Variants in MAPK4 observed in about 807,000 individuals in gnomAD.
MAPK4 encodes the protein mitogen-activated protein kinase 4, also known as Erk3-related.
Under a neutral mutation model 47.7 loss-of-function variants are expected in MAPK4, and 22 were observed. That is an observed-to-expected ratio of 0.46 (90% CI 0.33 to 0.66). MAPK4 has a LOEUF of 0.66. Ranked by LOEUF, MAPK4 falls within the 30% of genes least tolerant of loss-of-function variation. MAPK4 has a pLI of 0.02. For missense variants in MAPK4, 736 were observed against 831.7 expected (o/e 0.88, Z 1.42); for synonymous variants, 390 against 365.7 (o/e 1.07, Z -0.76).
At chr18:50,575,279 C>T (rs545245197) in intron 1 of MAPK4, among the ~76,000 whole-genome samples, 4 of 152,276 alleles carry the variant, frequency 2.6e-5, no homozygotes, top group African/African-American at 4.8e-5. Flanking sequence ...AGACACTGAA[C>T]CTGCCAGTTC....
At chr18:50,683,321 C>A (rs989736260) in intron 2 of MAPK4, among the ~76,000 whole-genome samples, 9 of 151,952 alleles carry the variant, frequency 5.9e-5, no homozygotes, top group African/African-American at 2.2e-4. Flanking sequence ...GGGAGTCTCA[C>A]CATGTTGGCC....
chr18:50,627,541 C>A (rs2042789514), intron 1 of MAPK4, among the ~76,000 whole-genome samples: 1 of 152,222 alleles, frequency 6.6e-6, no homozygotes, highest in African/African-American at 2.4e-5. Flanking sequence ...CAGAGCTGAA[C>A]ACCCTGCCAC....
chr18:50,576,788 G>A (rs951052506), intron 1 of MAPK4, among the ~76,000 whole-genome samples: 4 of 151,978 alleles, frequency 2.6e-5, no homozygotes, highest in African/African-American at 9.7e-5. Flanking sequence ...GTATAATGCA[G>A]TTTGTATGAA....
Position 50,731,043 on chromosome 18 carries a change from C to T in MAPK4, c.*1189C>T, listed in dbSNP as rs71357248. 24,770 of 152,164 alleles carry T rather than the reference C, an allele frequency of 0.16. 2,205 individuals carry two copies. The highest frequency in any genetic ancestry group is 0.21 in the South Asian group (1,018 of 4,816). 9.4% of individuals were successfully genotyped at this position (152,164 alleles called of 1,614,324 possible). ...TACAGAGATGTGTTGGAGAGCACGT[C>T]GTGACCTTGGGGGCAAGGAATCCAG... On this transcript the variant is annotated 3_prime_UTR_variant, in exon 6 of 6. Transcript: ENST00000400384.
intron 2 of MAPK4, among the ~76,000 whole-genome samples, chr18:50,685,379 C>T (rs1908815624): frequency 6.6e-6 from 1 of 152,224 alleles, no homozygotes; most frequent in Non-Finnish European, 1.5e-5. Context: ...AGAATATGGC[C>T]AGCATCCCAC....
At chr18:50,586,697 A>C (rs1361395758) in intron 1 of MAPK4, among the ~76,000 whole-genome samples, 3 of 152,204 alleles carry the variant, frequency 2.0e-5, no homozygotes, top group East Asian at 3.9e-4. Context: ...CTTTTTATGG[A>C]TATATTTGTT....
intron 1 of MAPK4, among the ~76,000 whole-genome samples, chr18:50,644,338 C>G (rs1055821991): frequency 6.6e-6 from 1 of 152,056 alleles, no homozygotes; most frequent in Non-Finnish European, 1.5e-5. Flanking sequence ...CAGATTGGAA[C>G]CACTGAGTGG....
At chr18:50,635,478 A>C (rs948945012) in intron 1 of MAPK4, among the ~76,000 whole-genome samples, 1 of 152,130 alleles carries the variant, frequency 6.6e-6, no homozygotes, top group African/African-American at 2.4e-5. Flanking sequence ...AATCCCCTCA[A>C]CTACCTTAAA....
At chr18:50,662,831 G>C (rs778365893) in intron 1 of MAPK4, among the ~76,000 whole-genome samples, 4 of 152,218 alleles carry the variant, frequency 2.6e-5, no homozygotes, top group Admixed American at 6.5e-5. Context: ...TGTTAAACTT[G>C]GGGGAGCAGG....
chr18:50,624,212 G>A (rs985894582), intron 1 of MAPK4, among the ~76,000 whole-genome samples: 4 of 152,212 alleles, frequency 2.6e-5, no homozygotes, highest in African/African-American at 9.6e-5. Context: ...AGAGCAGGAT[G>A]TAATCAGCAT....
intron 2 of MAPK4, among the ~76,000 whole-genome samples, chr18:50,702,606 T>A (rs1471159983): frequency 6.6e-6 from 1 of 152,212 alleles, no homozygotes; most frequent in Non-Finnish European, 1.5e-5. Context: ...CATTTTCATA[T>A]CTAATTTTGT....
At chr18:50,579,848 T>C (rs903151336) in intron 1 of MAPK4, among the ~76,000 whole-genome samples, 1 of 152,170 alleles carries the variant, frequency 6.6e-6, no homozygotes, top group Non-Finnish European at 1.5e-5. Context: ...AGTGGGCTAA[T>C]TGTTGGCTAG....
chr18:50,728,564 G>A (rs528743547), intron 5 of MAPK4, among the ~76,000 whole-genome samples: 1 of 152,194 alleles, frequency 6.6e-6, no homozygotes, highest in Non-Finnish European at 1.5e-5. Flanking sequence ...CAGAATTGGT[G>A]GGGGGAAGCA....
chr18:50,729,034 C>T (rs1461246717), intron 5 of MAPK4, 124 bp from the exon 6 acceptor site: 2 of 812,984 alleles, frequency 2.5e-6, no homozygotes, highest in South Asian at 1.8e-5. Context: ...ATCACCCTCC[C>T]ACCTTGAGGG....
At chr18:50,724,624 G>A (rs1166751700) in intron 4 of MAPK4, among the ~76,000 whole-genome samples, 1 of 152,230 alleles carries the variant, frequency 6.6e-6, no homozygotes, top group Non-Finnish European at 1.5e-5. Flanking sequence ...GGTGATCAGA[G>A]TTACTGCTGC....
intron 3 of MAPK4, among the ~76,000 whole-genome samples, chr18:50,715,841 G>T (rs991832019): frequency 1.3e-5 from 2 of 152,194 alleles, no homozygotes; most frequent in Non-Finnish European, 2.9e-5. Flanking sequence ...CAAACATCTT[G>T]AGACTGATGG....
At chr18:50,683,918 C>T (rs1420181370) in intron 2 of MAPK4, among the ~76,000 whole-genome samples, 10 of 152,222 alleles carry the variant, frequency 6.6e-5, no homozygotes, top group Middle Eastern at 3.4e-3. Context: ...CCCCTTAAGG[C>T]GTCTGATCAC....
At chr18:50,707,569 C>CAAAAAA (rs11419022) in intron 2 of MAPK4, among the ~76,000 whole-genome samples, 3 of 72,522 alleles carry the variant, frequency 4.1e-5, no homozygotes, top group African/African-American at 6.1e-5. Context: ...GCCTCTGTCT[C>CAAAAAA]AAAAAAAAAA....
In MAPK4 at chr18:50,664,056, T is replaced by C. The variant is rs1422015306; in HGVS notation, c.98T>C (p.Leu33Ser). 2 of 1,613,868 alleles carry C rather than the reference T, an allele frequency of 1.2e-6. No individual in the cohort carries two copies. The highest frequency in any genetic ancestry group is 2.2e-5 in the South Asian group (2 of 91,064). The change falls in exon 2 of 6, where the codon TTG becomes TCG. Residue 33 changes from leucine to serine, a missense_variant. Physicochemically the swap from Leu to Ser is moderately radical, Grantham distance 145. Around this residue, in one of 3 missense-constraint regions of MAPK4, gnomAD observed 327 missense variants for 395.4 expected, o/e 0.83. Transcript: ENST00000400384. The surrounding 1 kb of genome is among the most constrained non-coding windows in gnomAD (Gnocchi z 6.0). ...CCCCTGGGCTTCGGTGTCAATGGTT[T>C]GGTGCTGTCGGCCGTGGACAGCCGG... ...FQPLGFGVNG[L>S]VLSAVDSRAC...
Sources: gnomAD v4.1 joint callset for allele counts (sites outside exome capture counted in the v4.1 genomes callset) on GRCh38, gnomAD v4.1.1 for gene constraint, gnomAD v4.1.1 regional missense constraint, Gnocchi (gnomAD v3.1) non-coding constraint, MANE v1.5 for transcripts, NCBI Gene and HGNC (gene_info 2026-07-23, HGNC 2026-07-21) for gene names.